Variants in SMOC2 observed in about 807,000 individuals in gnomAD.
The protein encoded by SMOC2 is SPARC-related modular calcium-binding protein 2.
SMOC2 carries 39 observed loss-of-function variants against 61.4 expected under a neutral mutation model. The ratio of observed to expected loss-of-function variants is 0.64; its 90% confidence interval spans 0.49 to 0.83. SMOC2 has a LOEUF of 0.83. Among genes scored for constraint, SMOC2 ranks in the 40% least tolerant of loss-of-function variants. The probability of loss-of-function intolerance (pLI) is 0.00; values close to 1 mark genes in which losing one functional copy is unlikely to be tolerated. For missense variants in SMOC2, 556 were observed against 592.9 expected, an observed-to-expected ratio of 0.94 and a Z score of 0.65; for synonymous variants, 247 against 239.9, an observed-to-expected ratio of 1.03 and a Z score of -0.27.
chr6:168,568,128 C>G (rs781446130), intron 7 of SMOC2, among the ~76,000 whole-genome samples: 1 of 151,092 alleles, frequency 6.6e-6, no homozygotes, highest in African/African-American at 2.4e-5. Context: ...CAGCTACAGG[C>G]GAAGACCGGA....
At chr6:168,558,897 GTGTGTGCACGTGTGTATGTGTGCT>G (rs1367900758) in intron 7 of SMOC2, among the ~76,000 whole-genome samples, 1 of 151,954 alleles carries the variant, frequency 6.6e-6, no homozygotes, top group African/African-American at 2.4e-5. Flanking sequence ...GCGTGTGCAT[GTGTGTGCACGTGTGTATGTGTGCT>G]TGTGCGCACG....
chr6:168,577,798 A>G (rs1261928560), intron 7 of SMOC2, among the ~76,000 whole-genome samples: 1 of 152,222 alleles, frequency 6.6e-6, no homozygotes, highest in Non-Finnish European at 1.5e-5. Context: ...CGAGACAGCA[A>G]CGCATGGGGC....
rs1787671531 is a variant in SMOC2 at position 168,666,716 on chromosome 6, T to C, written c.*278T>C. 1 of 482,322 alleles carries C rather than the reference T, an allele frequency of 2.1e-6. No individual in the cohort carries two copies. Among genetic ancestry groups the C allele is most frequent in the Admixed American group, 3.6e-5 (1 of 27,980 alleles). The allele number at this position is 482,322 out of a possible 1,614,324, so 29.9% of individuals were successfully genotyped here. A position where few individuals can be genotyped will look rare whatever the true frequency, so the allele number is the denominator to read the frequency against. On this transcript the variant is annotated 3_prime_UTR_variant, in exon 13 of 13. Coordinates refer to ENST00000356284, the MANE Select transcript of SMOC2 (RefSeq NM_001166412.2). ...TTTGAATGCATTTAGGCTTAATTTC[T>C]TCGCCTTCCACATGTTAACAGTAGA...
Position 168,534,490 on chromosome 6 carries a change from G to T in SMOC2, c.463+6763G>T, listed in dbSNP as rs958644859. Among the ~76,000 whole-genome samples the T allele has an allele frequency of 5.3e-5, 8 of 152,340 alleles. No homozygotes were observed. The South Asian group carries it at 1.0e-3, about 20-fold the overall frequency. ...CTGCGTCCCGCCCTGGCCCTTCCCT[G>T]GGTGATGACTCCAGAGGCCCTTGGG... is the stretch of plus-strand genomic sequence containing the variant. On this transcript the variant is annotated intron_variant, in intron 4 of 12. Transcript: ENST00000356284.
intron 2 of SMOC2, among the ~76,000 whole-genome samples, chr6:168,525,783 C>A: frequency 6.6e-6 from 1 of 152,172 alleles, no homozygotes; most frequent in East Asian, 1.9e-4. Context: ...GCTCTCCTCT[C>A]AGGCTGGTCT....
chr6:168,496,402 A>C (rs1782590948), intron 1 of SMOC2, among the ~76,000 whole-genome samples: 1 of 152,208 alleles, frequency 6.6e-6, no homozygotes, highest in Non-Finnish European at 1.5e-5. Context: ...GACTCAACAC[A>C]TAGCAAATGA....
At chr6:168,656,662 C>T (rs1006060544) in intron 11 of SMOC2, among the ~76,000 whole-genome samples, 1 of 152,012 alleles carries the variant, frequency 6.6e-6, no homozygotes, top group Non-Finnish European at 1.5e-5. Context: ...TCGTCTGCCT[C>T]CTCTTCTCAG....
At position 168,475,656 on chromosome 6, in the gene SMOC2, A is replaced by C. The variant is rs1782063256; in HGVS notation, c.84+34202A>C. Among the ~76,000 whole-genome samples the C allele has an allele frequency of 6.6e-6, 1 of 152,062 alleles. No individual in the cohort carries two copies. The highest frequency in any genetic ancestry group is 1.5e-5 in the Non-Finnish European group (1 of 67,988). On this transcript the variant is annotated intron_variant, in intron 1 of 12. Coordinates refer to ENST00000356284, the MANE Select transcript of SMOC2 (RefSeq NM_001166412.2). This position sits in a 1 kb window ranked among gnomAD's most constrained non-coding sequence, Gnocchi z 4.6. ...GCGGGGACAGAGGACGAGAACTGAG[A>C]CCTGCTTCCCACGCGTCTGTGGCCC... is the stretch of plus-strand genomic sequence containing the variant.
At chr6:168,548,351 CTTTTTTT>C (rs758386557) in intron 6 of SMOC2, among the ~76,000 whole-genome samples, 1 of 127,186 alleles carries the variant, frequency 7.9e-6, no homozygotes, top group African/African-American at 3.1e-5. Flanking sequence ...CACTACATTC[CTTTTTTT>C]TTTTTTTTTT....
intron 9 of SMOC2, among the ~76,000 whole-genome samples, chr6:168,640,599 G>A (rs1786871206): frequency 6.6e-6 from 1 of 152,148 alleles, no homozygotes; most frequent in East Asian, 1.9e-4. Flanking sequence ...AAGGACATTG[G>A]AGCTACGAAA....
intron 1 of SMOC2, among the ~76,000 whole-genome samples, chr6:168,451,717 G>T (rs887449255): frequency 6.6e-6 from 1 of 151,994 alleles, no homozygotes; most frequent in African/African-American, 2.4e-5. Flanking sequence ...GAACATACAC[G>T]TCCGTTAAGT....
intron 7 of SMOC2, among the ~76,000 whole-genome samples, chr6:168,549,762 A>G (rs971590174): frequency 1.3e-5 from 2 of 152,354 alleles, no homozygotes; most frequent in East Asian, 1.9e-4. Context: ...GATCACCGGC[A>G]TATATTTTTA....
Position 168,653,017 on chromosome 6 carries a change from A to G in SMOC2, c.1074A>G (p.Leu358=), listed in dbSNP as rs748995694. The G allele has an allele frequency of 6.2e-7, 1 of 1,614,088 alleles. No homozygotes were observed. Among genetic ancestry groups the G allele is most frequent in the South Asian group, 1.1e-5 (1 of 91,074 alleles). The change falls in exon 11 of 13, where the codon CTA becomes CTG. Residue 358 remains leucine (L), a synonymous_variant. Transcript: ENST00000356284. The part of the protein sequence containing the change: ...EERVVHWYFK[L]LDKNSSGDIG... ...GGGTGGTGCACTGGTACTTCAAACT[A>G]CTGGATAAAAACTCCAGTGGAGACA...
chr6:168,589,076 CAAAA>C (rs35958554), intron 7 of SMOC2, among the ~76,000 whole-genome samples: 1 of 89,896 alleles, frequency 1.1e-5, no homozygotes, highest in Non-Finnish European at 2.2e-5. Flanking sequence ...GAATTCGTCT[CAAAA>C]AAAAAAAAAA....
chr6:168,513,530 CTT>C (rs1296418850), intron 2 of SMOC2, among the ~76,000 whole-genome samples: 1 of 151,996 alleles, frequency 6.6e-6, no homozygotes, highest in African/African-American at 2.4e-5. Context: ...CACACACAAA[CTT>C]AGTTTATTCA....
At chr6:168,530,373 T>A (rs928727192) in intron 4 of SMOC2, among the ~76,000 whole-genome samples, 5 of 152,140 alleles carry the variant, frequency 3.3e-5, no homozygotes, top group Non-Finnish European at 7.4e-5. Flanking sequence ...AAGCCATGAA[T>A]GCAAAATACC....
chr6:168,445,254 C>T (rs1781306217), intron 1 of SMOC2, among the ~76,000 whole-genome samples: 1 of 152,188 alleles, frequency 6.6e-6, no homozygotes. Flanking sequence ...TGCCGTTTCA[C>T]CTCTCAGACT....
At chr6:168,599,776 C>A (rs79321394) in intron 8 of SMOC2, among the ~76,000 whole-genome samples, 38,109 of 88,286 alleles carry the variant, frequency 0.43, 8,699 homozygotes, top group Non-Finnish European at 0.46. Flanking sequence ...AAACACCCCC[C>A]CACACACAAA....
At position 168,544,438 on chromosome 6, in the gene SMOC2, C is replaced by A. The variant is rs902326050; in HGVS notation, c.511+766C>A. Among the ~76,000 whole-genome samples, 2 of 152,106 alleles carry A rather than the reference C, an allele frequency of 1.3e-5. No individual in the cohort carries two copies. Among genetic ancestry groups the A allele is most frequent in the South Asian group, 2.1e-4 (1 of 4,818 alleles). On this transcript the variant is annotated intron_variant, in intron 5 of 12. Transcript: ENST00000356284. The surrounding 1 kb of genome is among the most constrained non-coding windows in gnomAD (Gnocchi z 4.1). ...AAAATAATATAAACACAGACCAGGC[C>A]GAGGCAGGCAGATCACCTGAGGTCA...
Sources: gnomAD v4.1 joint callset for allele counts (sites outside exome capture counted in the v4.1 genomes callset) on GRCh38, gnomAD v4.1.1 for gene constraint, Gnocchi (gnomAD v3.1) non-coding constraint, MANE v1.5 for transcripts, NCBI Gene and HGNC (gene_info 2026-07-23, HGNC 2026-07-21) for gene names.